The following PEBP4 variants were observed in gnomAD, a reference collection of about 807,000 sequenced individuals.
PEBP4 encodes phosphatidylethanolamine binding protein 4.
PEBP4 carries 22 observed loss-of-function variants against 23.9 expected under a neutral mutation model. The ratio of observed to expected loss-of-function variants is 0.92; its 90% CI spans 0.66 to 1.31. The LOEUF (loss-of-function observed/expected upper bound fraction) is 1.31, where lower values mean the gene tolerates loss of function less well. PEBP4 is among the 40% of genes most tolerant of loss of function. The pLI is 0.00. For missense variants in PEBP4, 324 were observed against 281.7 expected (o/e 1.15, Z -1.07); for synonymous variants, 112 against 99.3 (o/e 1.13, Z -0.76).
intron 2 of PEBP4, among the ~76,000 whole-genome samples, chr8:22,920,641 G>GAT (rs1426664425): frequency 6.6e-6 from 1 of 152,198 alleles, no homozygotes; most frequent in African/African-American, 2.4e-5. Flanking sequence ...TAGAAGAACA[G>GAT]ATATCCTTAG....
At chr8:22,855,504 A>G (rs1233837097) in intron 3 of PEBP4, among the ~76,000 whole-genome samples, 1 of 152,122 alleles carries the variant, frequency 6.6e-6, no homozygotes, top group Non-Finnish European at 1.5e-5. Context: ...GTATTTTCAC[A>G]TCCCTTCCTC....
At chr8:22,934,975 T>C (rs1809515132) in intron 1 of PEBP4, among the ~76,000 whole-genome samples, 1 of 152,176 alleles carries the variant, frequency 6.6e-6, no homozygotes, top group South Asian at 2.1e-4. Context: ...TATATTAATA[T>C]CAGACAAAAC....
At chr8:22,900,584 G>A (rs113198798) in intron 3 of PEBP4, among the ~76,000 whole-genome samples, 2,287 of 152,002 alleles carry the variant, frequency 0.015, 46 homozygotes, top group African/African-American at 0.052. Flanking sequence ...AGGAGGCAGA[G>A]GTTGCAGTGA....
chr8:22,718,421 C>T lies in PEBP4; in HGVS notation c.518-4885G>A, dbSNP rs565135533. Among the ~76,000 whole-genome samples, 26 of 152,322 alleles carry T rather than the reference C, an allele frequency of 1.7e-4. No homozygotes were observed. In the South Asian group the frequency reaches 2.5e-3, roughly 15 times the overall value. On this transcript the variant is annotated intron_variant, in intron 6 of 6. Transcript: ENST00000256404. Reference sequence around the variant, plus strand: ...TTTGGGGTAGAATCTGGGGGCTTATCTGTGTGGTTTCTTCACGATGTGTTC... The same window carrying T: ...TTTGGGGTAGAATCTGGGGGCTTATTTGTGTGGTTTCTTCACGATGTGTTC...
intron 4 of PEBP4, among the ~76,000 whole-genome samples, chr8:22,793,679 G>A (rs991344261): frequency 1.3e-5 from 2 of 152,098 alleles, no homozygotes; most frequent in African/African-American, 4.8e-5. Flanking sequence ...GTAACACAGG[G>A]ATGAGTAGCA....
chr8:22,885,231 A>G (rs146854600), intron 3 of PEBP4: 1 of 152,312 alleles, frequency 6.6e-6, no homozygotes, highest in East Asian at 1.9e-4. Context: ...AGGAATTCAC[A>G]TAAATCATCT....
At chr8:22,915,046 C>T (rs1353128388) in intron 3 of PEBP4, among the ~76,000 whole-genome samples, 4 of 152,034 alleles carry the variant, frequency 2.6e-5, no homozygotes, top group Non-Finnish European at 4.4e-5. Context: ...CACAGAAACC[C>T]GAGGGTCATC....
intron 3 of PEBP4, among the ~76,000 whole-genome samples, chr8:22,870,417 G>A (rs955833417): frequency 2.6e-5 from 4 of 152,162 alleles, no homozygotes; most frequent in East Asian, 1.9e-4. Flanking sequence ...ATCAGCAGTC[G>A]CCAGGGGTCA....
intron 4 of PEBP4, among the ~76,000 whole-genome samples, chr8:22,805,638 A>C (rs1225583817): frequency 1.3e-5 from 2 of 152,230 alleles, no homozygotes; most frequent in Non-Finnish European, 2.9e-5. Flanking sequence ...GATTGCCAGC[A>C]TTAAGTTCGT....
chr8:22,746,422 G>C (rs1229396903), intron 4 of PEBP4, among the ~76,000 whole-genome samples: 2 of 152,156 alleles, frequency 1.3e-5, no homozygotes, highest in Admixed American at 6.5e-5. Context: ...TCTGGACTAG[G>C]ATGGAGGGTG....
intron 3 of PEBP4, among the ~76,000 whole-genome samples, chr8:22,867,801 A>T (rs1306381251): frequency 1.3e-5 from 2 of 152,216 alleles, no homozygotes; most frequent in Non-Finnish European, 2.9e-5. Flanking sequence ...AGACTCAGGG[A>T]TGTTGAATGT....
chr8:22,817,770 A>G (rs1806775612), intron 3 of PEBP4, 35 bp from the exon 4 acceptor site: 10 of 1,587,732 alleles, frequency 6.3e-6, no homozygotes, highest in Non-Finnish European at 7.8e-6. Context: ...ATGTAGCGTC[A>G]TGGCTGAAAT....
chr8:22,858,105 C>A (rs1388559891), intron 3 of PEBP4, among the ~76,000 whole-genome samples: 2 of 152,150 alleles, frequency 1.3e-5, no homozygotes, highest in African/African-American at 2.4e-5. Context: ...ATAACTAAGG[C>A]GGGGTCCTCT....
intron 4 of PEBP4, among the ~76,000 whole-genome samples, chr8:22,758,695 T>C (rs186459587): frequency 7.9e-5 from 12 of 152,200 alleles, no homozygotes; most frequent in Non-Finnish European, 1.2e-4. Flanking sequence ...GAGAATAACA[T>C]GTACCCCATA....
At chr8:22,837,465 T>G (rs938422272) in intron 3 of PEBP4, among the ~76,000 whole-genome samples, 1 of 152,232 alleles carries the variant, frequency 6.6e-6, no homozygotes, top group African/African-American at 2.4e-5. Context: ...AGCTCATTGC[T>G]GCCCGATAAT....
At position 22,865,379 on chromosome 8, in the gene PEBP4, GT is replaced by G. The variant is rs1486454392; in HGVS notation, c.259-47645del. ...ACGGGCGGTGACGGTGGCGGTGGCG[GT>G]GGCGGCGGCGGGACCCCGGGCCTGG... On this transcript the variant is annotated intron_variant, in intron 3 of 6. Coordinates refer to ENST00000256404, the MANE Select transcript of PEBP4 (RefSeq NM_144962.3). This position sits in a 1 kb window ranked among gnomAD's most constrained non-coding sequence, Gnocchi z 6.9. 3.8e-4 allele frequency among the ~76,000 whole-genome samples: 57 copies of G among 151,874 alleles called. No homozygotes were observed. Among genetic ancestry groups the G allele is most frequent in the Middle Eastern group, 3.4e-3 (1 of 292 alleles).
intron 4 of PEBP4, among the ~76,000 whole-genome samples, chr8:22,803,586 C>T (rs921856377): frequency 1.3e-5 from 2 of 152,102 alleles, no homozygotes; most frequent in Non-Finnish European, 2.9e-5. Flanking sequence ...ATGGCTTGAA[C>T]CCGGGAGGCA....
At chr8:22,860,122 A>G (rs1364982511) in intron 3 of PEBP4, among the ~76,000 whole-genome samples, 1 of 145,188 alleles carries the variant, frequency 6.9e-6, no homozygotes, top group Admixed American at 6.9e-5. Flanking sequence ...GTCTCAAAAA[A>G]AAAAAAAAAA....
chr8:22,925,282 A>C lies in PEBP4; in HGVS notation c.131+2302T>G, dbSNP rs933256015. 4 of 985,416 alleles carry C rather than the reference A, an allele frequency of 4.1e-6. No homozygotes were observed. In the African/African-American group the frequency reaches 7.0e-5, roughly 17 times the overall value. The allele number at this position is 985,416 out of a possible 1,614,324, so 61.0% of individuals were successfully genotyped here. Reference sequence around the variant, plus strand: ...TCTCAGACTGGGGGCCTGCTGGTGTATTCTGGGAGTCCTGAGAATGGGCCC... The same window carrying C: ...TCTCAGACTGGGGGCCTGCTGGTGTCTTCTGGGAGTCCTGAGAATGGGCCC... On this transcript the variant is annotated intron_variant, in intron 2 of 6. Transcript: ENST00000256404.
Sources: gnomAD v4.1 joint callset for allele counts (sites outside exome capture counted in the v4.1 genomes callset) on GRCh38, gnomAD v4.1.1 for gene constraint, Gnocchi (gnomAD v3.1) non-coding constraint, MANE v1.5 for transcripts, NCBI Gene and HGNC (gene_info 2026-07-23, HGNC 2026-07-21) for gene names.